Variants in GNG2 observed in about 807,000 individuals in gnomAD.
GNG2 encodes the protein guanine nucleotide-binding protein G(I)/G(S)/G(O) subunit gamma-2.
GNG2 carries 5 observed loss-of-function variants against 5.5 expected under a neutral mutation model. The ratio of observed to expected loss-of-function variants is 0.91; its 90% CI spans 0.48 to 1.92. GNG2 has a LOEUF of 1.92. GNG2 is among the 30% of genes most tolerant of loss of function. GNG2 has a pLI of 0.01. For synonymous variants in GNG2, 28 were observed against 32.0 expected (o/e 0.88, Z 0.42); for missense variants, 55 against 88.4 (o/e 0.62, Z 1.52).
chr14:51,828,068 G>A (rs1334401801), intron 2 of GNG2, among the ~76,000 whole-genome samples: 1 of 152,234 alleles, frequency 6.6e-6, no homozygotes, highest in South Asian at 2.1e-4. Context: ...GGCCTCGGTA[G>A]AACTGACTAG....
At chr14:51,837,511 G>C (rs965939993) in intron 2 of GNG2, among the ~76,000 whole-genome samples, 5 of 151,926 alleles carry the variant, frequency 3.3e-5, no homozygotes, top group African/African-American at 1.2e-4. Flanking sequence ...GCCATGTGTG[G>C]GGTCGCATGC....
intron 2 of GNG2, among the ~76,000 whole-genome samples, chr14:51,880,484 G>A (rs554111796): frequency 1.2e-3 from 179 of 152,320 alleles, no homozygotes; most frequent in Admixed American, 2.7e-3. Flanking sequence ...CTTGCCGGGT[G>A]TATGAAATAG....
chr14:51,854,338 G>A (rs1882050139), intron 2 of GNG2, among the ~76,000 whole-genome samples: 1 of 152,120 alleles, frequency 6.6e-6, no homozygotes, highest in Admixed American at 6.5e-5. Flanking sequence ...TGGAGGAAGG[G>A]TTTGGAACAG....
chr14:51,931,701 T>C (rs563231435), intron 2 of GNG2, among the ~76,000 whole-genome samples: 3 of 152,060 alleles, frequency 2.0e-5, no homozygotes, highest in South Asian at 4.1e-4. Flanking sequence ...ATACCAAGTA[T>C]TGGTGAGGAT....
At chr14:51,851,579 C>T (rs1235434571) in intron 2 of GNG2, among the ~76,000 whole-genome samples, 4 of 152,180 alleles carry the variant, frequency 2.6e-5, no homozygotes, top group Non-Finnish European at 4.4e-5. Context: ...TTGTTCTTTT[C>T]CTACAGACTT....
chr14:51,961,668 C>A (rs1889622137), intron 3 of GNG2, among the ~76,000 whole-genome samples: 1 of 152,152 alleles, frequency 6.6e-6, no homozygotes, highest in East Asian at 1.9e-4. Context: ...AGTGAAGGTT[C>A]TGCAAGGAGG....
At chr14:51,846,550 A>G (rs1881633387) in intron 2 of GNG2, among the ~76,000 whole-genome samples, 1 of 152,226 alleles carries the variant, frequency 6.6e-6, no homozygotes, top group Non-Finnish European at 1.5e-5. Context: ...AAAAAGAAGA[A>G]CATTCTAAAA....
At chr14:51,828,656 C>T (rs10133498) in intron 2 of GNG2, among the ~76,000 whole-genome samples, 36,388 of 152,094 alleles carry the variant, frequency 0.24, 4,858 homozygotes, top group African/African-American at 0.35. Flanking sequence ...CTAACGGCCA[C>T]AAGATGTAGC....
At chr14:51,873,956 G>C (rs34468044) in intron 1 of GNG2, 5 of 152,144 alleles carry the variant, frequency 3.3e-5, no homozygotes, top group Non-Finnish European at 7.3e-5. Context: ...GGGAGGTTAT[G>C]TGAGCTCTGC....
chr14:51,892,570 A>C (rs1200453196), intron 2 of GNG2, among the ~76,000 whole-genome samples: 4 of 152,180 alleles, frequency 2.6e-5, no homozygotes, highest in African/African-American at 4.8e-5. Context: ...CCAAAGTGCC[A>C]GGATTACAGG....
chr14:51,946,555 T>C (rs1888655128), intron 2 of GNG2, among the ~76,000 whole-genome samples: 1 of 152,150 alleles, frequency 6.6e-6, no homozygotes, highest in South Asian at 2.1e-4. Flanking sequence ...CGGGTGTAAA[T>C]GGCTTAATTC....
intron 1 of GNG2, among the ~76,000 whole-genome samples, chr14:51,873,728 A>G (rs555996049): frequency 2.1e-4 from 32 of 152,360 alleles, no homozygotes; most frequent in African/African-American, 7.7e-4. Context: ...ATGATCCTCT[A>G]AAAGGCACCA....
intron 2 of GNG2, among the ~76,000 whole-genome samples, chr14:51,928,022 CTCTCTT>C (rs1377973183): frequency 2.8e-5 from 4 of 141,490 alleles, no homozygotes; most frequent in South Asian, 2.2e-4. Context: ...TTCTCTCTCT[CTCTCTT>C]TTTTTTTTTT....
intron 2 of GNG2, chr14:51,940,078 A>C (rs1269903712): frequency 6.6e-6 from 1 of 152,196 alleles, no homozygotes; most frequent in Non-Finnish European, 1.5e-5. Context: ...CCATAAGCAA[A>C]TCTTCGTATT....
intron 1 of GNG2, among the ~76,000 whole-genome samples, chr14:51,826,972 G>A (rs983350609): frequency 1.3e-5 from 2 of 152,166 alleles, no homozygotes; most frequent in Non-Finnish European, 2.9e-5. Context: ...ACACAGATCC[G>A]AGGTTTCCTG....
At chr14:51,861,580 C>T (rs1882483749) in intron 1 of GNG2, among the ~76,000 whole-genome samples, 1 of 152,176 alleles carries the variant, frequency 6.6e-6, no homozygotes, top group South Asian at 2.1e-4. Context: ...GGGTTGTTTC[C>T]TTACGCGAAT....
chr14:51,853,249 G>A lies in GNG2; in HGVS notation c.64+25442G>A, dbSNP rs562963335. On this transcript the variant is annotated intron_variant, in intron 2 of 3. Transcript: ENST00000553432. Reference sequence around the variant, plus strand: ...GCACGCAATGTACAAAGTGCTGTGCGAGGTGGGTGCTGAAGATGAAGAGAT... The same window carrying A: ...GCACGCAATGTACAAAGTGCTGTGCAAGGTGGGTGCTGAAGATGAAGAGAT... 2.7e-3 allele frequency among the ~76,000 whole-genome samples: 414 copies of A among 152,316 alleles called. 2 individuals carry two copies. The highest frequency in any genetic ancestry group is 3.9e-3 in the South Asian group (19 of 4,826).
chr14:51,856,219 C>G (rs568865908), upstream of GNG2, among the ~76,000 whole-genome samples: 1 of 151,476 alleles, frequency 6.6e-6, no homozygotes, highest in Non-Finnish European at 1.5e-5. Context: ...CTGGGCATGG[C>G]GGGGGAGGAG....
chr14:51,892,875 A>G (rs528117760), intron 2 of GNG2, among the ~76,000 whole-genome samples: 1 of 152,374 alleles, frequency 6.6e-6, no homozygotes, highest in South Asian at 2.1e-4. Context: ...CAGTTCAATC[A>G]CATGCATGCA....
Sources: gnomAD v4.1 joint callset for allele counts (sites outside exome capture counted in the v4.1 genomes callset) on GRCh38, gnomAD v4.1.1 for gene constraint, MANE v1.5 for transcripts, NCBI Gene and HGNC (gene_info 2026-07-23, HGNC 2026-07-21) for gene names.